MYRIP: variants seen among roughly 807,000 people sequenced by gnomAD.
MYRIP encodes the protein rab effector MyRIP.
A neutral mutation model predicts 98.0 loss-of-function variants in MYRIP; 49 were observed. That is an observed-to-expected ratio of 0.50 (90% confidence interval 0.40 to 0.63). MYRIP has a LOEUF of 0.63. Ranked by LOEUF, MYRIP falls within the 30% of genes least tolerant of loss-of-function variation. MYRIP has a pLI of 0.00. For missense variants in MYRIP, 1,004 were observed against 1,058.2 expected, an observed-to-expected ratio of 0.95 and a Z score of 0.71; for synonymous variants, 404 against 409.5, an observed-to-expected ratio of 0.99 and a Z score of 0.16.
intron 1 of MYRIP, among the ~76,000 whole-genome samples, chr3:39,871,474 A>G (rs1942787006): frequency 6.6e-6 from 1 of 152,180 alleles, no homozygotes; most frequent in Non-Finnish European, 1.5e-5. Flanking sequence ...GATGGCAAAC[A>G]GGTTAGGAAC....
At chr3:39,841,851 C>G (rs572981063) in intron 1 of MYRIP, among the ~76,000 whole-genome samples, 1 of 152,260 alleles carries the variant, frequency 6.6e-6, no homozygotes, top group East Asian at 1.9e-4. Flanking sequence ...AGGGGCACCC[C>G]GCAGATGCCA....
chr3:40,071,092 A>G, intron 3 of MYRIP: 1 of 969,582 alleles, frequency 1.0e-6, no homozygotes, highest in Non-Finnish European at 1.2e-6. Context: ...GTGGTAGGGA[A>G]GAAAGCACAG....
At chr3:39,909,521 A>G (rs4676534) in intron 2 of MYRIP, among the ~76,000 whole-genome samples, 53,318 of 151,882 alleles carry the variant, frequency 0.35, 9,722 homozygotes, top group Middle Eastern at 0.45. Flanking sequence ...GCTATAGACA[A>G]TGAGAAATAA....
intron 2 of MYRIP, among the ~76,000 whole-genome samples, chr3:39,911,431 T>C (rs2125680863): frequency 6.6e-6 from 1 of 152,354 alleles, no homozygotes; most frequent in East Asian, 1.9e-4. Flanking sequence ...AGGTTGCTTT[T>C]ATGGCTCCAA....
intron 1 of MYRIP, among the ~76,000 whole-genome samples, chr3:39,819,073 GC>G (rs1941019806): frequency 6.6e-6 from 1 of 152,142 alleles, no homozygotes; most frequent in South Asian, 2.1e-4. Context: ...TACCAGTGGG[GC>G]GCGGTGGCTG....
At chr3:39,822,251 T>A (rs1352732355) in intron 1 of MYRIP, among the ~76,000 whole-genome samples, 1 of 152,208 alleles carries the variant, frequency 6.6e-6, no homozygotes, top group African/African-American at 2.4e-5. Flanking sequence ...TATACAGTGA[T>A]CAGATCAGGG....
chr3:40,046,361 G>A (rs1286639528), intron 3 of MYRIP, among the ~76,000 whole-genome samples: 2 of 151,766 alleles, frequency 1.3e-5, no homozygotes, highest in Non-Finnish European at 2.9e-5. Flanking sequence ...GGTAAACACC[G>A]CCAGGACAGG....
chr3:39,888,610 T>C (rs1943383228), intron 1 of MYRIP, among the ~76,000 whole-genome samples: 1 of 152,156 alleles, frequency 6.6e-6, no homozygotes, highest in South Asian at 2.1e-4. Flanking sequence ...ATTCAGGACA[T>C]ACGCATGAGC....
chr3:39,995,943 G>A (rs1341221200), intron 2 of MYRIP, among the ~76,000 whole-genome samples: 5 of 152,136 alleles, frequency 3.3e-5, no homozygotes, highest in African/African-American at 7.2e-5. Context: ...AGCTTCATAA[G>A]TGAAGGAGAA....
rs531441349 is a variant in MYRIP at position 40,219,603 on chromosome 3, C to T, written c.1905+9510C>T. Among the ~76,000 whole-genome samples, 59 of 152,054 alleles carry T rather than the reference C, an allele frequency of 3.9e-4. No individual in the cohort carries two copies. In the South Asian group the frequency reaches 4.6e-3, roughly 12 times the overall value. On this transcript the variant is annotated intron_variant, in intron 11 of 16. Transcript: ENST00000302541. ...TGCGGTGTTTGGTTTTTTGTCCTTG[C>T]GATAGTTTGCTCAGAATGATGGTTT...
At chr3:40,242,003 T>C (rs2125710662) in intron 12 of MYRIP, among the ~76,000 whole-genome samples, 2 of 152,252 alleles carry the variant, frequency 1.3e-5, no homozygotes, top group Middle Eastern at 6.8e-3. Context: ...GTTATAACAT[T>C]CCAACTGAGA....
intron 2 of MYRIP, among the ~76,000 whole-genome samples, chr3:40,002,360 C>G (rs915493996): frequency 2.6e-5 from 4 of 152,046 alleles, no homozygotes; most frequent in African/African-American, 9.7e-5. Context: ...CATGGTGAAA[C>G]CCCATCTCTA....
chr3:40,190,140 C>A lies in MYRIP; in HGVS notation c.1342C>A (p.Pro448Thr), dbSNP rs1353784879. 3 of 1,613,984 alleles carry A rather than the reference C, an allele frequency of 1.9e-6. No homozygotes were observed. Among genetic ancestry groups the A allele is most frequent in the Non-Finnish European group, 2.5e-6 (3 of 1,180,008 alleles). ...CCCATCCTCTGCACTCTCCCCCAACCCTGAGGCCATGTGCTCTGACTCGGA... is the reference window on the plus strand; with the variant it reads ...CCCATCCTCTGCACTCTCCCCCAACACTGAGGCCATGTGCTCTGACTCGGA... ...ASPSSALSPN[P>T]EAMCSDSETS... Residue 448 changes from proline (P) to threonine (T), a missense_variant, in exon 10 of 17, where the codon CCT (proline) becomes ACT (threonine). Pro to Thr is a conservative substitution (Grantham distance 38). Around this residue, in one of 3 missense-constraint regions of MYRIP, gnomAD observed 880 missense variants for 907.7 expected, o/e 0.97. Transcript: ENST00000302541.
At chr3:40,003,195 C>T (rs1946560969) in intron 2 of MYRIP, among the ~76,000 whole-genome samples, 1 of 152,008 alleles carries the variant, frequency 6.6e-6, no homozygotes, top group East Asian at 1.9e-4. Flanking sequence ...ATATAGATAT[C>T]TATAAATGTG....
At chr3:40,071,965 C>G (rs1468189676) in intron 3 of MYRIP, among the ~76,000 whole-genome samples, 1 of 152,126 alleles carries the variant, frequency 6.6e-6, no homozygotes, top group Non-Finnish European at 1.5e-5. Flanking sequence ...GAGGGCCAGA[C>G]TCTCTGCTAG....
chr3:40,232,912 A>G (rs1388376329), intron 11 of MYRIP: 1 of 152,174 alleles, frequency 6.6e-6, no homozygotes, highest in African/African-American at 2.4e-5. Flanking sequence ...TTTTTTTCAC[A>G]TAACATGATA....
intron 3 of MYRIP, among the ~76,000 whole-genome samples, chr3:40,077,458 G>C (rs1190798712): frequency 6.7e-6 from 1 of 149,628 alleles, no homozygotes; most frequent in Non-Finnish European, 1.5e-5. Context: ...GCTAGATACT[G>C]TGTGTGGACA....
rs769028051 is a variant in MYRIP, at chr3:40,233,934, G to T, written c.1981G>T (p.Ala661Ser). ...CATCAATGCCACAGAGGAGTTGATAGCAGGATCTACAGGGCCCTGGGAGTC... is the reference window on the plus strand; with the variant it reads ...CATCAATGCCACAGAGGAGTTGATATCAGGATCTACAGGGCCCTGGGAGTC... ...KVINATEELI[A>S]GSTGPWESPQ... The change falls in exon 12 of 17, where the codon GCA becomes TCA. Residue 661 changes from alanine to serine, a missense_variant. Physicochemically the swap from Ala to Ser is moderately conservative, Grantham distance 99. Around this residue, in one of 3 missense-constraint regions of MYRIP, gnomAD observed 880 missense variants for 907.7 expected, o/e 0.97. Coordinates refer to ENST00000302541, the MANE Select transcript of MYRIP (RefSeq NM_015460.4). 5.6e-6 allele frequency: 9 copies of T among 1,613,960 alleles called. No individual in the cohort carries two copies. In the Admixed American group the frequency reaches 1.5e-4, roughly 27 times the overall value.
intron 3 of MYRIP, among the ~76,000 whole-genome samples, chr3:40,046,822 A>G (rs1947679084): frequency 6.6e-6 from 1 of 152,026 alleles, no homozygotes; most frequent in African/African-American, 2.4e-5. Flanking sequence ...ATATTCCCCC[A>G]CAAATAAAAG....
Sources: allele counts gnomAD v4.1 joint callset (sites outside exome capture counted in the v4.1 genomes callset), GRCh38; gene constraint gnomAD v4.1.1; regional missense constraint gnomAD v4.1.1; transcripts MANE v1.5; gene names NCBI Gene and HGNC (gene_info 2026-07-23, HGNC 2026-07-21).